PRKCA: variants seen among roughly 807,000 people sequenced by gnomAD.
PRKCA encodes protein kinase C alpha, also known as protein kinase C alpha type.
PRKCA carries 27 observed loss-of-function variants against 87.0 expected under a neutral mutation model. The ratio of observed to expected loss-of-function variants is 0.31; its 90% CI spans 0.23 to 0.43. The LOEUF is 0.43. Among genes scored for constraint, PRKCA ranks in the 20% least tolerant of loss-of-function variants. The probability of loss-of-function intolerance (pLI) is 1.00; values close to 1 mark genes in which losing one functional copy is unlikely to be tolerated. For missense variants in PRKCA, 518 were observed against 852.3 expected, an observed-to-expected ratio of 0.61 and a Z score of 4.88; for synonymous variants, 329 against 311.1, an observed-to-expected ratio of 1.06 and a Z score of -0.61.
At chr17:66,590,663 A>G (rs1191754817) in intron 3 of PRKCA, among the ~76,000 whole-genome samples, 1 of 152,140 alleles carries the variant, frequency 6.6e-6, no homozygotes, top group Non-Finnish European at 1.5e-5. Context: ...CAGACTGGCC[A>G]ATGTGGTGAA....
chr17:66,674,640 G>C (rs1435355206), intron 5 of PRKCA, among the ~76,000 whole-genome samples: 1 of 152,216 alleles, frequency 6.6e-6, no homozygotes, highest in Non-Finnish European at 1.5e-5. Flanking sequence ...CAAGTAAATG[G>C]TAGGAAACAG....
intron 2 of PRKCA, among the ~76,000 whole-genome samples, chr17:66,332,326 C>T (rs1906381548): frequency 6.6e-6 from 1 of 151,024 alleles, no homozygotes; most frequent in East Asian, 2.0e-4. Flanking sequence ...CTCCTGGGTT[C>T]CAGTGATTCT....
intron 3 of PRKCA, among the ~76,000 whole-genome samples, chr17:66,588,934 C>T (rs985746569): frequency 2.0e-5 from 3 of 152,144 alleles, no homozygotes; most frequent in Admixed American, 6.5e-5. Flanking sequence ...AGCCACTGCA[C>T]TGGTCTTGCT....
intron 3 of PRKCA, among the ~76,000 whole-genome samples, chr17:66,532,153 A>C (rs1159471979): frequency 7.9e-6 from 1 of 127,118 alleles, no homozygotes; most frequent in East Asian, 2.6e-4. Flanking sequence ...TTCTGGTAAA[A>C]TTAAAAAAAA....
intron 3 of PRKCA, among the ~76,000 whole-genome samples, chr17:66,516,627 TG>T (rs1156367324): frequency 6.6e-6 from 1 of 150,498 alleles, no homozygotes; most frequent in African/African-American, 2.5e-5. Flanking sequence ...AGCAAGACTC[TG>T]TCTAAAAAAA....
chr17:66,666,835 C>T (rs144752348), intron 5 of PRKCA, among the ~76,000 whole-genome samples: 3 of 152,062 alleles, frequency 2.0e-5, no homozygotes, highest in Non-Finnish European at 4.4e-5. Flanking sequence ...GAATCCCCCC[C>T]CCACACACAA....
chr17:66,645,928 A>G (rs558646362), intron 5 of PRKCA, among the ~76,000 whole-genome samples: 2 of 152,332 alleles, frequency 1.3e-5, no homozygotes, highest in East Asian at 1.9e-4. Flanking sequence ...TGATGGCCCA[A>G]TAAATCCACC....
intron 15 of PRKCA, 55 bp from the exon 16 acceptor site, chr17:66,788,784 G>C: frequency 6.3e-7 from 1 of 1,587,714 alleles, no homozygotes; most frequent in Non-Finnish European, 8.6e-7. Context: ...GGAAGGTGCT[G>C]TCTGTGGGAA....
Position 66,302,718 on chromosome 17 carries a change from G to T in PRKCA, c.-134G>T. 2 of 504,814 alleles carry T rather than the reference G, an allele frequency of 4.0e-6. No homozygotes were observed. The highest frequency in any genetic ancestry group is 5.1e-6 in the Non-Finnish European group (2 of 390,832). 31.3% of individuals were successfully genotyped at this position (504,814 alleles called of 1,614,324 possible). On this transcript the variant is annotated 5_prime_UTR_variant, in exon 1 of 17. Coordinates refer to ENST00000413366, the MANE Select transcript of PRKCA (RefSeq NM_002737.3). The stretch of plus-strand genomic sequence containing the variant: ...CCGGCCCCCGCCGCGCCCCCTCGCC[G>T]CGACCTCGGCCACCGGCCCGCGCCC...
At chr17:66,630,115 A>C (rs1225701579) in intron 3 of PRKCA, among the ~76,000 whole-genome samples, 1 of 152,220 alleles carries the variant, frequency 6.6e-6, no homozygotes, top group Non-Finnish European at 1.5e-5. Context: ...TCTCAGAGTT[A>C]CCATAAAGCT....
intron 3 of PRKCA, among the ~76,000 whole-genome samples, chr17:66,527,782 C>T (rs76043215): frequency 0.023 from 3,459 of 152,280 alleles, 125 homozygotes; most frequent in African/African-American, 0.079. Context: ...TGTATTTTTC[C>T]ACCCCCTTAA....
intron 4 of PRKCA, among the ~76,000 whole-genome samples, chr17:66,641,750 A>G (rs1598838326): frequency 6.6e-6 from 1 of 151,186 alleles, no homozygotes; most frequent in African/African-American, 2.4e-5. Context: ...GAAGTCTTCA[A>G]TCACTGTAAA....
At chr17:66,765,454 A>ATATATCTATC (rs1218360664) in intron 13 of PRKCA, among the ~76,000 whole-genome samples, 1 of 130,090 alleles carries the variant, frequency 7.7e-6, no homozygotes, top group African/African-American at 2.9e-5. Flanking sequence ...ATATATATAT[A>ATATATCTATC]TCCATATATA....
chr17:66,460,184 T>A (rs1299002500), intron 2 of PRKCA, among the ~76,000 whole-genome samples: 1 of 152,190 alleles, frequency 6.6e-6, no homozygotes, highest in Non-Finnish European at 1.5e-5. Flanking sequence ...GAATTCCGCC[T>A]ATGAAATCTA....
intron 2 of PRKCA, among the ~76,000 whole-genome samples, chr17:66,448,889 C>A (rs1398369034): frequency 6.7e-6 from 1 of 148,538 alleles, no homozygotes; most frequent in South Asian, 2.1e-4. Context: ...GTTTTTTAAA[C>A]TTATTGAATC....
At chr17:66,551,159 C>A (rs1021561218) in intron 3 of PRKCA, among the ~76,000 whole-genome samples, 3 of 152,170 alleles carry the variant, frequency 2.0e-5, no homozygotes, top group African/African-American at 7.2e-5. Context: ...ATCTCCTGGC[C>A]TCAAGTGATC....
At chr17:66,448,029 A>G (rs183323609) in intron 2 of PRKCA, among the ~76,000 whole-genome samples, 1 of 152,172 alleles carries the variant, frequency 6.6e-6, no homozygotes, top group Non-Finnish European at 1.5e-5. Context: ...CTTGGTATCT[A>G]GGAGCACTCA....
chr17:66,517,774 T>C (rs973215697), intron 3 of PRKCA, among the ~76,000 whole-genome samples: 1 of 152,202 alleles, frequency 6.6e-6, no homozygotes, highest in Non-Finnish European at 1.5e-5. Flanking sequence ...CCAGTTGAGG[T>C]GTGCAACTTC....
At chr17:66,410,582 G>T (rs1019986265) in intron 2 of PRKCA, among the ~76,000 whole-genome samples, 6 of 151,998 alleles carry the variant, frequency 3.9e-5, no homozygotes, top group African/African-American at 1.4e-4. Context: ...CTTTTTGTTT[G>T]TTTGTTTGTT....
Sources: allele counts gnomAD v4.1 joint callset (sites outside exome capture counted in the v4.1 genomes callset), GRCh38; gene constraint gnomAD v4.1.1; transcripts MANE v1.5; gene names NCBI Gene and HGNC (gene_info 2026-07-23, HGNC 2026-07-21).